DDX10: variants seen among roughly 807,000 people sequenced by gnomAD.
DDX10 encodes the protein DEAD-box helicase 10, also known as probable ATP-dependent RNA helicase DDX10.
A neutral mutation model predicts 104.3 loss-of-function variants in DDX10; 74 were observed. That is an observed-to-expected ratio of 0.71 (90% CI 0.59 to 0.86). The LOEUF (loss-of-function observed/expected upper bound fraction) is 0.86. DDX10 is among the 40% of genes least tolerant of loss of function. The pLI, the probability that DDX10 is intolerant of heterozygous loss-of-function variation, is 0.00. For synonymous variants in DDX10, 351 were observed against 353.4 expected, an observed-to-expected ratio of 0.99 and a Z score of 0.08; for missense variants, 952 against 1,040.0, an observed-to-expected ratio of 0.92 and a Z score of 1.16.
intron 13 of DDX10, among the ~76,000 whole-genome samples, chr11:108,730,516 AT>A (rs2094310732): frequency 6.6e-6 from 1 of 152,230 alleles, no homozygotes; most frequent in African/African-American, 2.4e-5. Context: ...GAGGGAGTGA[AT>A]TAACTGAATT....
At chr11:108,827,642 T>C (rs1565290868) in intron 13 of DDX10, among the ~76,000 whole-genome samples, 1 of 152,164 alleles carries the variant, frequency 6.6e-6, no homozygotes, top group Non-Finnish European at 1.5e-5. Context: ...TTCCTATAAT[T>C]TTAGTTGATT....
chr11:108,892,576 T>A (rs1377937058), intron 16 of DDX10, among the ~76,000 whole-genome samples: 1 of 152,182 alleles, frequency 6.6e-6, no homozygotes, highest in Non-Finnish European at 1.5e-5. Flanking sequence ...TCAGCGTTTT[T>A]AAAGACATAC....
intron 17 of DDX10, chr11:108,929,433 A>G (rs893730526): frequency 5.9e-5 from 9 of 152,234 alleles, no homozygotes; most frequent in Non-Finnish European, 1.2e-4. Flanking sequence ...ATTATTATTT[A>G]AATATTTACC....
intron 1 of DDX10, among the ~76,000 whole-genome samples, chr11:108,667,243 T>C (rs181718759): frequency 6.6e-6 from 1 of 152,382 alleles, no homozygotes; most frequent in African/African-American, 2.4e-5. Context: ...GAATGGGTGT[T>C]GTTTTTCAGT....
intron 3 of DDX10, 82 bp downstream of exon 3, chr11:108,675,808 A>G (rs563467037): frequency 7.4e-6 from 11 of 1,494,684 alleles, no homozygotes; most frequent in African/African-American, 4.2e-5. Context: ...ATATAAAGAG[A>G]TGTTTTCATG....
intron 17 of DDX10, among the ~76,000 whole-genome samples, chr11:108,930,521 C>A (rs1326481124): frequency 6.6e-6 from 1 of 152,158 alleles, no homozygotes; most frequent in Non-Finnish European, 1.5e-5. Flanking sequence ...AAGGGCATGA[C>A]AGCTAGATCA....
At chr11:108,804,730 A>C (rs533551040) in intron 13 of DDX10, among the ~76,000 whole-genome samples, 2 of 152,194 alleles carry the variant, frequency 1.3e-5, no homozygotes, top group African/African-American at 2.4e-5. Flanking sequence ...TTATTGGCAG[A>C]ATGCATTTCT....
In DDX10 at chr11:108,785,982, G is replaced by T. The variant is rs7927863; in HGVS notation, c.1966-52464G>T. Reference sequence around the variant, plus strand: ...CGACCTCTTGATGAAGGCATTTAGTGCTATAAACTTTCCTCTTAACATCAC... The same window carrying T: ...CGACCTCTTGATGAAGGCATTTAGTTCTATAAACTTTCCTCTTAACATCAC... On this transcript the variant is annotated intron_variant, in intron 13 of 17. Transcript: ENST00000322536. Among the ~76,000 whole-genome samples, 1,435 of 152,140 alleles carry T rather than the reference G, an allele frequency of 9.4e-3. 25 individuals are homozygous for T. Among genetic ancestry groups the T allele is most frequent in the African/African-American group, 0.031 (1,273 of 41,518 alleles).
intron 13 of DDX10, among the ~76,000 whole-genome samples, chr11:108,754,002 T>C (rs191823416): frequency 1.6e-4 from 25 of 152,136 alleles, no homozygotes; most frequent in African/African-American, 5.5e-4. Flanking sequence ...ATCCAAGATA[T>C]TAATTTCCTG....
intron 1 of DDX10, among the ~76,000 whole-genome samples, chr11:108,670,461 A>G (rs1331538657): frequency 2.0e-5 from 3 of 152,184 alleles, no homozygotes; most frequent in Non-Finnish European, 4.4e-5. Context: ...AAAATTGTCC[A>G]TCAGAGGAAT....
rs755090735 is a variant in DDX10, at chr11:108,917,849, G to A, written c.2305-24G>A. The stretch of plus-strand genomic sequence containing the variant: ...TTATCAACTGACTTCTTCAACTGCA[G>A]TTTCCCTTATTATTATTTTTTAGGC... On this transcript the variant is annotated intron_variant, in intron 16 of 17. Coordinates refer to ENST00000322536, the MANE Select transcript of DDX10 (RefSeq NM_004398.4). The A allele has an allele frequency of 2.1e-5, 33 of 1,606,218 alleles. No homozygotes were observed. In the South Asian group the frequency reaches 3.6e-4, roughly 17 times the overall value.
intron 11 of DDX10, among the ~76,000 whole-genome samples, chr11:108,719,261 C>A (rs1169547675): frequency 6.6e-6 from 1 of 151,878 alleles, no homozygotes; most frequent in African/African-American, 2.4e-5. Context: ...AAAACCTTAT[C>A]TTTTGATACA....
At chr11:108,846,191 G>A (rs1862715973) in intron 15 of DDX10, among the ~76,000 whole-genome samples, 1 of 152,122 alleles carries the variant, frequency 6.6e-6, no homozygotes, top group African/African-American at 2.4e-5. Context: ...GTCATTACAT[G>A]TATATGTTGT....
chr11:108,782,434 C>T (rs561620027), intron 13 of DDX10, among the ~76,000 whole-genome samples: 5 of 152,190 alleles, frequency 3.3e-5, no homozygotes, highest in East Asian at 3.9e-4. Context: ...TTAGAGTCTG[C>T]GTTCTCATTT....
chr11:108,772,386 C>T (rs993284536), intron 13 of DDX10, among the ~76,000 whole-genome samples: 11 of 152,082 alleles, frequency 7.2e-5, no homozygotes, highest in Non-Finnish European at 1.3e-4. Context: ...AAGACAGAGA[C>T]AGAAGGGGAG....
At position 108,828,705 on chromosome 11, in the gene DDX10, A is replaced by ACCTCTG. The variant is rs1271505711; in HGVS notation, c.1966-9734_1966-9729dup. Among the ~76,000 whole-genome samples, 43 of 152,146 alleles carry ACCTCTG rather than the reference A, an allele frequency of 2.8e-4. 1 individual carries two copies. Among genetic ancestry groups the ACCTCTG allele is most frequent in the Non-Finnish European group, 1.5e-4 (10 of 68,024 alleles). Reference sequence around the variant, plus strand: ...AGTGGCACAATCCTGGCTCACTGCAACCTCTGCCTCTGGGCTCAAGCAATT... The same window carrying ACCTCTG: ...AGTGGCACAATCCTGGCTCACTGCAACCTCTGCCTCTGCCTCTGGGCTCAAGCAATT... On this transcript the variant is annotated intron_variant, in intron 13 of 17. Transcript: ENST00000322536.
intron 15 of DDX10, among the ~76,000 whole-genome samples, chr11:108,842,830 G>T (rs1862659731): frequency 1.3e-5 from 2 of 152,126 alleles, no homozygotes; most frequent in African/African-American, 4.8e-5. Flanking sequence ...TTATCCAGGG[G>T]ACAACTGGGC....
chr11:108,782,338 TC>T (rs1366697277), intron 13 of DDX10, among the ~76,000 whole-genome samples: 1 of 152,200 alleles, frequency 6.6e-6, no homozygotes, highest in Non-Finnish European at 1.5e-5. Flanking sequence ...TTAGCTATCA[TC>T]CTTGAATATC....
intron 9 of DDX10, among the ~76,000 whole-genome samples, chr11:108,696,468 T>C (rs1050316311): frequency 6.6e-6 from 1 of 152,212 alleles, no homozygotes; most frequent in African/African-American, 2.4e-5. Flanking sequence ...TGAGCCACAG[T>C]GCCCGGCGAG....
Sources: gnomAD v4.1 joint callset for allele counts (sites outside exome capture counted in the v4.1 genomes callset) on GRCh38, gnomAD v4.1.1 for gene constraint, MANE v1.5 for transcripts, NCBI Gene and HGNC (gene_info 2026-07-23, HGNC 2026-07-21) for gene names.